Variants in OR3A2 observed in about 807,000 individuals in gnomAD.
The protein encoded by OR3A2 is olfactory receptor family 3 subfamily A member 2.
For synonymous variants in OR3A2, 126 were observed against 159.3 expected (o/e 0.79, Z 1.57); for missense variants, 318 against 392.8 (o/e 0.81, Z 1.61).
At chr17:3,361,188 T>C (rs1383770966) in intron 2 of OR3A2, among the ~76,000 whole-genome samples, 1 of 148,942 alleles carries the variant, frequency 6.7e-6, no homozygotes, top group Non-Finnish European at 1.5e-5. Flanking sequence ...CAATTGTGAA[T>C]GGGAGTTCAC....
At chr17:3,337,195 A>G (rs2049280348) in intron 2 of OR3A2, among the ~76,000 whole-genome samples, 1 of 152,224 alleles carries the variant, frequency 6.6e-6, no homozygotes, top group Non-Finnish European at 1.5e-5. Flanking sequence ...TTTTAAGGGT[A>G]CAGTTCAGTA....
chr17:3,353,010 T>C (rs979913876), intron 2 of OR3A2, among the ~76,000 whole-genome samples: 5 of 151,784 alleles, frequency 3.3e-5, no homozygotes, highest in African/African-American at 1.2e-4. Context: ...GTATAGGGGA[T>C]TACATTTTTT....
intron 3 of OR3A2, among the ~76,000 whole-genome samples, chr17:3,315,050 G>C (rs2049070469): frequency 6.6e-6 from 1 of 152,176 alleles, no homozygotes; most frequent in Non-Finnish European, 1.5e-5. Flanking sequence ...GTATTCCATA[G>C]TGTATATGTA....
intron 3 of OR3A2, among the ~76,000 whole-genome samples, chr17:3,304,742 T>G (rs1169830231): frequency 6.6e-6 from 1 of 152,186 alleles, no homozygotes; most frequent in African/African-American, 2.4e-5. Flanking sequence ...AAGCCTGCGG[T>G]CCATATGATT....
chr17:3,381,400 A>G (rs917713509), intron 2 of OR3A2, among the ~76,000 whole-genome samples: 1 of 151,540 alleles, frequency 6.6e-6, no homozygotes, highest in Non-Finnish European at 1.5e-5. Context: ...TTCCTGCCCA[A>G]TTCAAAGCAG....
rs1388670885 is a variant in OR3A2 at position 3,372,841 on chromosome 17, AGGAGAAGGAGAGGGAGAGGGAGAG to A, written c.-179+10939_-179+10962del. Reference sequence around the variant, plus strand: ...AAGAGGGAGAGGGAGAGGGAGGAGAAGGAGAAGGAGAGGGAGAGGGAGAGGGAGAGGGAGAGGGAGAGGGAGAGG... The same window carrying A: ...AAGAGGGAGAGGGAGAGGGAGGAGAAGGAGAGGGAGAGGGAGAGGGAGAGG... On this transcript the variant is annotated intron_variant, in intron 2 of 4. Coordinates refer to the OR3A2 transcript ENST00000573491. 8.8e-3 allele frequency among the ~76,000 whole-genome samples: 864 copies of A among 98,546 alleles called. 16 individuals are homozygous for A. Among genetic ancestry groups the A allele is most frequent in the African/African-American group, 0.033 (807 of 24,450 alleles). 64.7% of individuals were successfully genotyped at this position (98,546 alleles called of 152,430 possible).
chr17:3,340,778 G>T (rs2049310152), intron 2 of OR3A2, among the ~76,000 whole-genome samples: 1 of 152,170 alleles, frequency 6.6e-6, no homozygotes, highest in Non-Finnish European at 1.5e-5. Context: ...ATGTCTATTA[G>T]GTCCATTTGG....
At chr17:3,294,736 G>T (rs895608576) in intron 3 of OR3A2, among the ~76,000 whole-genome samples, 3 of 152,118 alleles carry the variant, frequency 2.0e-5, no homozygotes, top group African/African-American at 7.2e-5. Context: ...AATTAAGGTA[G>T]CATATCATTT....
intron 3 of OR3A2, among the ~76,000 whole-genome samples, chr17:3,296,634 G>C (rs867707550): frequency 3.9e-5 from 6 of 151,974 alleles, no homozygotes; most frequent in African/African-American, 1.5e-4. Context: ...AGATTAAAAA[G>C]TACTTACAAA....
intron 3 of OR3A2, among the ~76,000 whole-genome samples, chr17:3,306,692 A>C (rs1413975799): frequency 6.7e-6 from 1 of 149,310 alleles, no homozygotes; most frequent in Non-Finnish European, 1.5e-5. Context: ...AAAAAAAAAA[A>C]AAACCGTAAC....
At chr17:3,343,892 A>T (rs1469352192) in intron 2 of OR3A2, among the ~76,000 whole-genome samples, 3 of 152,096 alleles carry the variant, frequency 2.0e-5, no homozygotes, top group Admixed American at 2.0e-4. Context: ...AGTAACCTAG[A>T]TTCATGCCAA....
At chr17:3,364,195 A>G (rs1022301840) in intron 2 of OR3A2, among the ~76,000 whole-genome samples, 1 of 152,240 alleles carries the variant, frequency 6.6e-6, no homozygotes, top group Non-Finnish European at 1.5e-5. Flanking sequence ...ATAGCCTAAC[A>G]TGTATATTTT....
intron 3 of OR3A2, among the ~76,000 whole-genome samples, chr17:3,306,821 A>C (rs535447020): frequency 6.7e-4 from 71 of 106,678 alleles, no homozygotes; most frequent in African/African-American, 4.2e-3. Context: ...GAAAACAAAA[A>C]CCACTAATAA....
rs1365069316 is a variant in OR3A2, at chr17:3,371,156, C to T, written c.-179+12648G>A. ...GTACACCTCCCAGACGGGGTGGTGG[C>T]CAGGCAGAGGGGCTCCTCACTTCCC... On this transcript the variant is annotated intron_variant, in intron 2 of 4. Transcript: ENST00000573491. Among the ~76,000 whole-genome samples, 20 of 152,014 alleles carry T rather than the reference C, an allele frequency of 1.3e-4. No individual in the cohort carries two copies. In the East Asian group the frequency reaches 3.5e-3, roughly 27 times the overall value.
rs568290553 is a variant in OR3A2, at chr17:3,333,337, C to CA, written c.-85+2695dup. 3.2e-4 allele frequency among the ~76,000 whole-genome samples: 48 copies of CA among 152,238 alleles called. No homozygotes were observed. In the East Asian group the frequency reaches 7.7e-3, roughly 25 times the overall value. ...CCCTGTTTTCTGTTAAGGTGTTTAT[C>CA]AAAACAATATGTGCACAGCTGAACA... On this transcript the variant is annotated intron_variant, in intron 3 of 4. Transcript: ENST00000573491.
At chr17:3,360,321 A>T (rs371343167) in intron 2 of OR3A2, among the ~76,000 whole-genome samples, 2 of 151,544 alleles carry the variant, frequency 1.3e-5, no homozygotes, top group African/African-American at 4.9e-5. Context: ...ATATTAGCCC[A>T]TTGTCAGATG....
At chr17:3,383,383 C>A (rs940445979) in intron 2 of OR3A2, among the ~76,000 whole-genome samples, 1 of 152,192 alleles carries the variant, frequency 6.6e-6, no homozygotes, top group Non-Finnish European at 1.5e-5. Flanking sequence ...AGCATCCGTT[C>A]CCTGCTACAC....
At chr17:3,283,958 G>A (rs2048792348) in intron 1 of OR3A2, among the ~76,000 whole-genome samples, 1 of 142,986 alleles carries the variant, frequency 7.0e-6, no homozygotes, top group African/African-American at 2.8e-5. Context: ...GCCCACTGGG[G>A]AGCCCTCCTG....
intron 3 of OR3A2, among the ~76,000 whole-genome samples, chr17:3,332,093 C>T (rs1240169066): frequency 6.6e-6 from 1 of 152,134 alleles, no homozygotes; most frequent in Non-Finnish European, 1.5e-5. Flanking sequence ...CAGCTGTGTG[C>T]TGGGAGAACC....
Sources: allele counts gnomAD v4.1 joint callset (sites outside exome capture counted in the v4.1 genomes callset), GRCh38; gene constraint gnomAD v4.1.1; transcripts MANE v1.5; gene names NCBI Gene and HGNC (gene_info 2026-07-23, HGNC 2026-07-21).